Variants in SPHKAP observed in about 807,000 individuals in gnomAD.
SPHKAP encodes the protein A-kinase anchor protein SPHKAP.
SPHKAP carries 67 observed loss-of-function variants against 137.5 expected under a neutral mutation model. That is an observed-to-expected ratio of 0.49 (90% CI 0.40 to 0.60). The LOEUF is 0.60. Among genes scored for constraint, SPHKAP ranks in the 20% least tolerant of loss-of-function variants. SPHKAP has a pLI of 0.00. For synonymous variants in SPHKAP, 813 were observed against 785.3 expected (o/e 1.04, Z -0.59); for missense variants, 2,097 against 2,069.3 (o/e 1.01, Z -0.26).
chr2:228,175,603 C>T (rs1476147508), intron 1 of SPHKAP, among the ~76,000 whole-genome samples: 1 of 151,904 alleles, frequency 6.6e-6, no homozygotes, highest in Non-Finnish European at 1.5e-5. Context: ...TCATTTAATG[C>T]AAAGCAGAGC....
In SPHKAP at chr2:227,997,098, C is replaced by T. The variant is rs148792535; in HGVS notation, c.4449-1404G>A. Among the ~76,000 whole-genome samples the T allele has an allele frequency of 6.4e-3, 974 of 152,270 alleles. 34 individuals are homozygous for T. Among genetic ancestry groups the T allele is most frequent in the Admixed American group, 0.055 (846 of 15,300 alleles). On this transcript the variant is annotated intron_variant, in intron 7 of 11. Transcript: ENST00000392056. ...TTTCAAAACCTTCTTAACCCTGGTG[C>T]CAGATTAAAGTACCTAAAGCATATT... is the stretch of plus-strand genomic sequence containing the variant.
intron 3 of SPHKAP, among the ~76,000 whole-genome samples, chr2:228,075,056 G>C (rs1306088020): frequency 6.6e-6 from 1 of 152,204 alleles, no homozygotes; most frequent in Non-Finnish European, 1.5e-5. Context: ...TGAAAGGGCA[G>C]AGGGTATGTT....
chr2:228,062,156 C>G, intron 3 of SPHKAP, among the ~76,000 whole-genome samples: 1 of 150,524 alleles, frequency 6.6e-6, no homozygotes, highest in African/African-American at 2.4e-5. Flanking sequence ...CTCCCCTGAC[C>G]TTTTTTTTTA....
In SPHKAP at chr2:227,991,044, G is replaced by A; in HGVS notation, c.4915C>T (p.Pro1639Ser). Residue 1639 changes from proline (P) to serine (S), a missense_variant, in exon 11 of 12, where the codon CCC (proline) becomes TCC (serine). Physicochemically the swap from Pro to Ser is moderately conservative, Grantham distance 74 (BLOSUM62 -1). Coordinates refer to ENST00000392056, the MANE Select transcript of SPHKAP (RefSeq NM_001142644.2). ...QWIAASELGI[P>S]TIYFKKSQEN... The stretch of plus-strand genomic sequence containing the variant: ...TGAGATTTCTTAAAGTAGATGGTGG[G>A]AATCCCCAGTTCAGAGGCAGCTATC... 1 of 1,614,124 alleles carries A rather than the reference G, an allele frequency of 6.2e-7. No homozygotes were observed. The highest frequency in any genetic ancestry group is 1.1e-5 in the South Asian group (1 of 91,084).
In SPHKAP at chr2:228,017,248, G is replaced by A. The variant is rs1432859065; in HGVS notation, c.3606C>T (p.Ile1202=). The A allele has an allele frequency of 1.9e-6, 3 of 1,614,022 alleles. No individual in the cohort carries two copies. Among genetic ancestry groups the A allele is most frequent in the South Asian group, 1.1e-5 (1 of 91,078 alleles). The change falls in exon 7 of 12, where the codon ATC becomes ATT. Residue 1202 remains isoleucine, a synonymous_variant. Coordinates refer to ENST00000392056, the MANE Select transcript of SPHKAP (RefSeq NM_001142644.2). ...EEFYRYMLRD[I]ERDSRESASS... is the part of the protein sequence containing the mutation. ...AGGCACTTTCTCTGCTGTCTCTTTC[G>A]ATGTCCCTCAGCATGTACCTGTAGA... is the stretch of plus-strand genomic sequence containing the variant.
At chr2:228,034,510 A>T (rs1198881527) in intron 3 of SPHKAP, among the ~76,000 whole-genome samples, 2 of 152,152 alleles carry the variant, frequency 1.3e-5, no homozygotes, top group African/African-American at 4.8e-5. Flanking sequence ...AAAAGAGGGA[A>T]TCCTCCCTAA....
At chr2:228,034,126 C>A (rs1209364053) in intron 3 of SPHKAP, among the ~76,000 whole-genome samples, 20 of 152,016 alleles carry the variant, frequency 1.3e-4, no homozygotes, top group Non-Finnish European at 2.1e-4. Flanking sequence ...AATTGATAGA[C>A]CGCTAGCAAG....
chr2:227,995,856 C>T (rs1382731959), intron 7 of SPHKAP, 162 bp from the exon 8 acceptor site: 20 of 907,072 alleles, frequency 2.2e-5, no homozygotes, highest in Non-Finnish European at 2.5e-5. Context: ...GTCCCATTTG[C>T]CTTTTCAGGA....
chr2:228,141,239 G>A (rs1699598262), intron 1 of SPHKAP, among the ~76,000 whole-genome samples: 1 of 152,116 alleles, frequency 6.6e-6, no homozygotes, highest in South Asian at 2.1e-4. Context: ...AGATGGAGTT[G>A]GATCTATTAC....
At chr2:228,013,922 T>G (rs1694474136) in intron 7 of SPHKAP, among the ~76,000 whole-genome samples, 1 of 152,190 alleles carries the variant, frequency 6.6e-6, no homozygotes, top group Admixed American at 6.5e-5. Context: ...TCTTTCCTGT[T>G]TTATTGGTGG....
intron 1 of SPHKAP, among the ~76,000 whole-genome samples, chr2:228,138,931 T>C (rs1699512765): frequency 4.7e-5 from 3 of 63,620 alleles, no homozygotes. Context: ...TGTCTTCAGA[T>C]TGGTGAAAAT....
intron 2 of SPHKAP, among the ~76,000 whole-genome samples, chr2:228,117,877 T>C (rs1230913367): frequency 1.3e-5 from 2 of 150,566 alleles, no homozygotes; most frequent in Non-Finnish European, 3.0e-5. Flanking sequence ...AATTGCAAAA[T>C]TTTATTGGTT....
At chr2:228,138,030 G>T (rs1342376292) in intron 1 of SPHKAP, among the ~76,000 whole-genome samples, 1 of 152,168 alleles carries the variant, frequency 6.6e-6, no homozygotes, top group Non-Finnish European at 1.5e-5. Flanking sequence ...GCTCCTTTGA[G>T]ACATCTTCTC....
chr2:228,105,323 C>T (rs949589883), intron 3 of SPHKAP, among the ~76,000 whole-genome samples: 8 of 152,156 alleles, frequency 5.3e-5, no homozygotes, highest in Non-Finnish European at 1.2e-4. Flanking sequence ...TCAATTCCTA[C>T]CACTTACGTG....
chr2:228,071,740 C>T (rs1260082570), intron 3 of SPHKAP, among the ~76,000 whole-genome samples: 1 of 151,910 alleles, frequency 6.6e-6, no homozygotes, highest in Non-Finnish European at 1.5e-5. Context: ...GAGTGGTGGG[C>T]AACTGCAGCT....
rs573478117 is a variant in SPHKAP, at chr2:228,041,722, C to T, written c.247-14179G>A. Among the ~76,000 whole-genome samples the T allele has an allele frequency of 3.3e-5, 5 of 150,882 alleles. No individual in the cohort carries two copies. In the South Asian group the frequency reaches 6.3e-4, roughly 19 times the overall value. ...ATCTTATGATCACTAGAGGGTATAA[C>T]CTTGTCTTAGAGTAACTGTATTACT... On this transcript the variant is annotated intron_variant, in intron 3 of 11. Transcript: ENST00000392056.
chr2:228,030,867 C>G lies in SPHKAP; in HGVS notation c.247-3324G>C, dbSNP rs1246813345. ...ACATGGTTGACTGATTTTTTAACTT[C>G]CAGATTTTTATTGAAAATATGTTTT... On this transcript the variant is annotated intron_variant, in intron 3 of 11. Coordinates refer to ENST00000392056, the MANE Select transcript of SPHKAP (RefSeq NM_001142644.2). Among the ~76,000 whole-genome samples, 4 of 152,040 alleles carry G rather than the reference C, an allele frequency of 2.6e-5. No individual in the cohort carries two copies. The East Asian group carries it at 7.7e-4, about 29-fold the overall frequency.
At chr2:228,142,824 C>A (rs114543226) in intron 1 of SPHKAP, among the ~76,000 whole-genome samples, 4 of 152,068 alleles carry the variant, frequency 2.6e-5, no homozygotes, top group Non-Finnish European at 5.9e-5. Context: ...ATATAACAAA[C>A]CTTCACATGT....
chr2:228,013,611 G>A (rs1694466983), intron 7 of SPHKAP, among the ~76,000 whole-genome samples: 1 of 152,176 alleles, frequency 6.6e-6, no homozygotes, highest in South Asian at 2.1e-4. Flanking sequence ...ACTCCAAACA[G>A]CAATGACAAC....
Sources: allele counts gnomAD v4.1 joint callset (sites outside exome capture counted in the v4.1 genomes callset), GRCh38; gene constraint gnomAD v4.1.1; transcripts MANE v1.5; gene names NCBI Gene and HGNC (gene_info 2026-07-23, HGNC 2026-07-21).